PITPNC1: variants seen among roughly 807,000 people sequenced by gnomAD.
PITPNC1 encodes the protein phosphatidylinositol transfer protein cytoplasmic 1, also known as cytoplasmic phosphatidylinositol transfer protein 1.
PITPNC1 carries 18 observed loss-of-function variants against 44.7 expected under a neutral mutation model. The ratio of observed to expected loss-of-function variants is 0.40; its 90% CI spans 0.28 to 0.60. The LOEUF (loss-of-function observed/expected upper bound fraction) is 0.60. Among genes scored for constraint, PITPNC1 ranks in the 20% least tolerant of loss-of-function variants. The pLI is 0.39. For missense variants in PITPNC1, 290 were observed against 418.4 expected, an observed-to-expected ratio of 0.69 and a Z score of 2.68; for synonymous variants, 141 against 149.6, an observed-to-expected ratio of 0.94 and a Z score of 0.42.
chr17:67,644,760 C>T (rs1425007517), intron 6 of PITPNC1, among the ~76,000 whole-genome samples: 1 of 152,116 alleles, frequency 6.6e-6, no homozygotes, highest in Non-Finnish European at 1.5e-5. Context: ...GCAATGAGTC[C>T]ACACAAGTTG....
chr17:67,444,241 T>G (rs908424099), intron 1 of PITPNC1, among the ~76,000 whole-genome samples: 1 of 152,050 alleles, frequency 6.6e-6, no homozygotes, highest in Admixed American at 6.6e-5. Flanking sequence ...TGTAATTGAT[T>G]GCAAACTCAC....
intron 5 of PITPNC1, among the ~76,000 whole-genome samples, chr17:67,595,251 G>A (rs987648620): frequency 1.3e-5 from 2 of 152,104 alleles, no homozygotes; most frequent in African/African-American, 4.8e-5. Context: ...CTGGAAGGTT[G>A]TTTGTTAACT....
chr17:67,630,124 G>C (rs1327449167), intron 5 of PITPNC1, among the ~76,000 whole-genome samples: 13 of 152,190 alleles, frequency 8.5e-5, no homozygotes, highest in Non-Finnish European at 1.9e-4. Flanking sequence ...CCTCTTGTGG[G>C]AGACTGTGTT....
intron 5 of PITPNC1, among the ~76,000 whole-genome samples, chr17:67,623,412 C>A (rs2041857780): frequency 6.6e-6 from 1 of 152,106 alleles, no homozygotes; most frequent in Non-Finnish European, 1.5e-5. Flanking sequence ...TGGAGTCTTG[C>A]TGTGTTGCCC....
intron 5 of PITPNC1, among the ~76,000 whole-genome samples, chr17:67,614,112 G>T (rs1184946552): frequency 6.6e-6 from 1 of 151,228 alleles, no homozygotes; most frequent in African/African-American, 2.4e-5. Flanking sequence ...AAAAGAAAAA[G>T]AAAAAAGAGC....
At chr17:67,549,781 T>G (rs2040734051) in intron 2 of PITPNC1, among the ~76,000 whole-genome samples, 1 of 152,054 alleles carries the variant, frequency 6.6e-6, no homozygotes, top group South Asian at 2.1e-4. Flanking sequence ...AAGAGGACAG[T>G]GGAGAAGGGG....
chr17:67,419,859 CTG>C (rs2038645613), intron 1 of PITPNC1, among the ~76,000 whole-genome samples: 1 of 151,848 alleles, frequency 6.6e-6, no homozygotes, highest in African/African-American at 2.4e-5. Flanking sequence ...TGAGCCGAGA[CTG>C]TGCCGCTGCA....
Position 67,550,496 on chromosome 17 carries a change from C to T in PITPNC1, c.198-1761C>T, listed in dbSNP as rs888236194. Among the ~76,000 whole-genome samples the T allele has an allele frequency of 6.7e-5, 9 of 134,314 alleles. 1 individual carries two copies. 88.1% of individuals were successfully genotyped at this position (134,314 alleles called of 152,430 possible). On this transcript the variant is annotated intron_variant, in intron 2 of 8. Transcript: ENST00000581322. Reference sequence around the variant, plus strand: ...CGGGCTCTGATTGTCATTTAGATTTCGCATCCAAGAGGGGTTTGAGACTTG... The same window carrying T: ...CGGGCTCTGATTGTCATTTAGATTTTGCATCCAAGAGGGGTTTGAGACTTG...
At chr17:67,493,095 C>T (rs2039885842) in intron 1 of PITPNC1, among the ~76,000 whole-genome samples, 1 of 152,188 alleles carries the variant, frequency 6.6e-6, no homozygotes, top group African/African-American at 2.4e-5. Context: ...TTTAAACACC[C>T]CATCCGATTT....
intron 1 of PITPNC1, among the ~76,000 whole-genome samples, chr17:67,391,336 G>T (rs189965232): frequency 1.3e-5 from 2 of 151,588 alleles, no homozygotes; most frequent in Non-Finnish European, 2.9e-5. Context: ...CTGTTCCCCC[G>T]CCCCATGTCA....
intron 1 of PITPNC1, among the ~76,000 whole-genome samples, chr17:67,505,620 ATC>A (rs1194667503): frequency 1.3e-5 from 2 of 152,118 alleles, no homozygotes; most frequent in African/African-American, 2.4e-5. Flanking sequence ...GATCTAAACT[ATC>A]TCCTATAGAC....
At chr17:67,472,423 GGGTCACGA>G (rs1158805086) in intron 1 of PITPNC1, among the ~76,000 whole-genome samples, 1 of 150,816 alleles carries the variant, frequency 6.6e-6, no homozygotes, top group Admixed American at 6.6e-5. Flanking sequence ...CGAGGCGGGT[GGGTCACGA>G]GGTCAGGAGA....
At chr17:67,464,893 C>T (rs1057032079) in intron 1 of PITPNC1, among the ~76,000 whole-genome samples, 1 of 152,096 alleles carries the variant, frequency 6.6e-6, no homozygotes, top group Non-Finnish European at 1.5e-5. Flanking sequence ...GCATGCACCA[C>T]CAGGCCTGAT....
intron 1 of PITPNC1, among the ~76,000 whole-genome samples, chr17:67,473,789 G>A (rs1436807639): frequency 6.6e-6 from 1 of 152,158 alleles, no homozygotes; most frequent in African/African-American, 2.4e-5. Flanking sequence ...CAGGTATCCT[G>A]TTTCCCCTTA....
intron 1 of PITPNC1, among the ~76,000 whole-genome samples, chr17:67,493,007 C>A (rs1269141764): frequency 6.6e-6 from 1 of 152,180 alleles, no homozygotes; most frequent in African/African-American, 2.4e-5. Context: ...GAGTTACATT[C>A]TCAGGAGCTG....
At chr17:67,429,429 G>A (rs2038822465) in intron 1 of PITPNC1, among the ~76,000 whole-genome samples, 1 of 151,152 alleles carries the variant, frequency 6.6e-6, no homozygotes. Flanking sequence ...GCTGGGCGCA[G>A]TGGCTCATAC....
At chr17:67,575,817 T>TC in intron 4 of PITPNC1, among the ~76,000 whole-genome samples, 3 of 121,952 alleles carry the variant, frequency 2.5e-5, no homozygotes, top group African/African-American at 9.0e-5. Flanking sequence ...TTTCTTTCTT[T>TC]CTTTCCTTCC....
At chr17:67,516,072 A>T (rs2040254450) in intron 1 of PITPNC1, among the ~76,000 whole-genome samples, 1 of 151,894 alleles carries the variant, frequency 6.6e-6, no homozygotes, top group Admixed American at 6.6e-5. Context: ...CTGATTTTGT[A>T]CCCCTGGGTT....
intron 5 of PITPNC1, among the ~76,000 whole-genome samples, chr17:67,601,264 C>T (rs116284478): frequency 6.6e-6 from 1 of 152,300 alleles, no homozygotes; most frequent in African/African-American, 2.4e-5. Context: ...GGACAATCCT[C>T]ATCCTAATAG....
Sources: allele counts gnomAD v4.1 joint callset (sites outside exome capture counted in the v4.1 genomes callset), GRCh38; gene constraint gnomAD v4.1.1; transcripts MANE v1.5; gene names NCBI Gene and HGNC (gene_info 2026-07-23, HGNC 2026-07-21).